CYP2A7: variants seen among roughly 807,000 people sequenced by gnomAD.
CYP2A7 encodes the protein cytochrome P450 family 2 subfamily A member 7.
CYP2A7 carries 36 observed loss-of-function variants against 42.0 expected under a neutral mutation model. The ratio of observed to expected loss-of-function variants is 0.86; its 90% CI spans 0.66 to 1.13. The LOEUF is 1.13. Among genes scored for constraint, CYP2A7 ranks in the 50% most tolerant of loss-of-function variants. The pLI is 0.00. For synonymous variants in CYP2A7, 260 were observed against 249.5 expected, an observed-to-expected ratio of 1.04 and a Z score of -0.40; for missense variants, 661 against 634.1, an observed-to-expected ratio of 1.04 and a Z score of -0.46.
At chr19:40,878,566 C>T (rs952756705) in intron 5 of CYP2A7, among the ~76,000 whole-genome samples, 194 bp downstream of exon 5, 6 of 151,808 alleles carry the variant, frequency 4.0e-5, no homozygotes, top group Non-Finnish European at 7.4e-5. Context: ...AACTCCTGAC[C>T]TCAGGTGATC....
At position 40,881,684 on chromosome 19, in the gene CYP2A7, C is replaced by T. The variant is rs1967694213; in HGVS notation, c.248G>A (p.Gly83Glu). The T allele has an allele frequency of 6.2e-7, 1 of 1,613,252 alleles. No individual in the cohort carries two copies. Among genetic ancestry groups the T allele is most frequent in the Non-Finnish European group, 8.5e-7 (1 of 1,179,602 alleles). The change falls in exon 2 of 9, where the codon GGA becomes GAA. Residue 83 changes from glycine (G) to glutamate (E), a missense_variant. Around this residue, in one of 3 missense-constraint regions of CYP2A7, gnomAD observed 614 missense variants for 552.4 expected, o/e 1.11. Transcript: ENST00000301146. The part of the protein sequence containing the change: ...LGPRRVVVLC[G>E]HDAVREALVD... ...CAGAGCCTCCCTGACGGCATCATGTCCACACAGCACCACGACCCGCCGGGG... is the reference window on the plus strand; with the variant it reads ...CAGAGCCTCCCTGACGGCATCATGTTCACACAGCACCACGACCCGCCGGGG...
In CYP2A7 at chr19:40,878,738, C is replaced by CG. The variant is rs977318443; in HGVS notation, c.831+21dup. ...CCCTCTGCCTGGCTTTGCACCTCCC[C>CG]GCACTGGCTGCTGGGGTGTACCTCC... On this transcript the variant is annotated intron_variant, in intron 5 of 8. Coordinates refer to ENST00000301146, the MANE Select transcript of CYP2A7 (RefSeq NM_000764.3). 4 of 1,609,980 alleles carry CG rather than the reference C, an allele frequency of 2.5e-6. No individual in the cohort carries two copies. The African/African-American group carries it at 5.3e-5, about 22-fold the overall frequency.
chr19:40,880,635 A>C lies in CYP2A7; in HGVS notation c.344-7T>G. ...CCGTTGCTGAACGCCACGCCTGGGG[A>C]GGTCAAGGCGGGGGTGGAGAGAGGT... is the stretch of plus-strand genomic sequence containing the variant. On this transcript the variant is annotated splice_region_variant and splice_polypyrimidine_tract_variant and intron_variant, in intron 2 of 8. Coordinates refer to ENST00000301146, the MANE Select transcript of CYP2A7 (RefSeq NM_000764.3). 6.3e-7 allele frequency: 1 copy of C among 1,586,570 alleles called. No homozygotes were observed. Among genetic ancestry groups the C allele is most frequent in the South Asian group, 1.1e-5 (1 of 88,716 alleles).
chr19:40,881,641 C>T lies in CYP2A7; in HGVS notation c.291G>A (p.Glu97=), dbSNP rs771938642. The T allele has an allele frequency of 1.2e-6, 2 of 1,613,082 alleles. No homozygotes were observed. Among genetic ancestry groups the T allele is most frequent in the African/African-American group, 1.3e-5 (1 of 74,970 alleles). ...TGGCTTGCTCGCCTCGCCCGCTGAA[C>T]TCCTCAGCCTGGTCCACCAGAGCCT... ...VREALVDQAE[E]FSGRGEQATF... The change falls in exon 2 of 9, where the codon GAG becomes GAA. Residue 97 remains glutamate (E), a synonymous_variant. Coordinates refer to ENST00000301146, the MANE Select transcript of CYP2A7 (RefSeq NM_000764.3).
Position 40,881,698 on chromosome 19 carries a change from G to A in CYP2A7, c.234C>T (p.Val78=), listed in dbSNP as rs746815604. The part of the protein sequence containing the change: ...VFTIHLGPRR[V]VVLCGHDAVR... ...CGGCATCATGTCCACACAGCACCAC[G>A]ACCCGCCGGGGCCCCAAGTGAATGG... Residue 78 remains valine (V), a synonymous_variant, in exon 2 of 9, where the codon GTC becomes GTT. Transcript: ENST00000301146. 12 of 1,612,540 alleles carry A rather than the reference G, an allele frequency of 7.4e-6. No homozygotes were observed. The highest frequency in any genetic ancestry group is 2.7e-5 in the African/African-American group (2 of 74,808).
chr19:40,876,681 A>C lies in CYP2A7; in HGVS notation c.1162-13T>G. ...ACACTTCGGTGCCCTGGTAGGGAGG[A>C]GGAAGTTGTGTGTGATGAGGAGGGT... On this transcript the variant is annotated splice_polypyrimidine_tract_variant and intron_variant, in intron 7 of 8. Coordinates refer to ENST00000301146, the MANE Select transcript of CYP2A7 (RefSeq NM_000764.3). 6.2e-7 allele frequency: 1 copy of C among 1,608,260 alleles called. No homozygotes were observed. Among genetic ancestry groups the C allele is most frequent in the Non-Finnish European group, 8.5e-7 (1 of 1,176,414 alleles).
chr19:40,880,377 G>C (rs3815705), intron 3 of CYP2A7, 102 bp downstream of exon 3: 605,579 of 1,541,656 alleles, frequency 0.39, 126,919 homozygotes, highest in Admixed American at 0.48. Context: ...AAGTGCGGGC[G>C]CCTTTCCCCA....
chr19:40,882,045 C>T lies in CYP2A7; in HGVS notation c.166G>A (p.Asp56Asn). The T allele has an allele frequency of 3.1e-6, 5 of 1,613,534 alleles. No individual in the cohort carries two copies. Among genetic ancestry groups the T allele is most frequent in the Admixed American group, 1.7e-5 (1 of 59,992 alleles). Residue 56 changes from aspartate to asparagine, a missense_variant, in exon 1 of 9, where the codon GAC becomes AAC. Asp to Asn is a conservative substitution (Grantham distance 23). Transcript: ENST00000301146. ...CCTTGGGACACCTTCATGATGGAGT[C>T]ACATATGTGCTCTGTGTTCAGCTGG... ...YLQLNTEHIC[D>N]SIMKFSECYG...
At chr19:40,881,235 T>G (rs1325432312) in intron 2 of CYP2A7, among the ~76,000 whole-genome samples, 2 of 150,202 alleles carry the variant, frequency 1.3e-5, no homozygotes, top group Admixed American at 1.3e-4. Context: ...AGGAGAAACA[T>G]GGAGAAGCAC....
rs1313216613 is a variant in CYP2A7, at chr19:40,876,126, T to C, written c.1304-252A>G. Among the ~76,000 whole-genome samples, 2 of 151,884 alleles carry C rather than the reference T, an allele frequency of 1.3e-5. 1 individual carries two copies. Among genetic ancestry groups the C allele is most frequent in the Non-Finnish European group, 2.9e-5 (2 of 67,906 alleles). On this transcript the variant is annotated intron_variant, in intron 8 of 8. Transcript: ENST00000301146. ...TTACACTAGGGTTTACTCTGTGTTA[T>C]ACAGTTCTATGGGTTTTGAAAAAGG...
chr19:40,879,559 G>C (rs759201025), intron 4 of CYP2A7, among the ~76,000 whole-genome samples: 1 of 151,674 alleles, frequency 6.6e-6, no homozygotes, highest in South Asian at 2.1e-4. Flanking sequence ...CTAGATATTT[G>C]TGTGTTTAAG....
chr19:40,876,058 G>A (rs1240405404), intron 8 of CYP2A7, among the ~76,000 whole-genome samples, 184 bp from the exon 9 acceptor site: 1 of 151,718 alleles, frequency 6.6e-6, no homozygotes, highest in Non-Finnish European at 1.5e-5. Context: ...ATGTAACAAT[G>A]GTGAACCAAT....
At position 40,877,266 on chromosome 19, in the gene CYP2A7, A is replaced by C. The variant is rs150178247; in HGVS notation, c.1085T>G (p.Phe362Cys). The C allele has an allele frequency of 1.9e-4, 314 of 1,612,548 alleles. 8 individuals are homozygous for C. Among genetic ancestry groups the C allele is most frequent in the Non-Finnish European group, 2.2e-4 (264 of 1,179,142 alleles). The stretch of plus-strand genomic sequence containing the variant: ...CAAACTCATGGGGATCACGTCTCCA[A>C]ATCTTTGGATCTCGTGGATCACTGC... ...MEAVIHEIQR[F>C]GDVIPMSLAR... is the part of the protein sequence containing the mutation. The change falls in exon 7 of 9, where the codon TTT becomes TGT. Residue 362 changes from phenylalanine to cysteine, a missense_variant. Physicochemically the swap from Phe to Cys is radical, Grantham distance 205. Around this residue, in one of 3 missense-constraint regions of CYP2A7, gnomAD observed 614 missense variants for 552.4 expected, o/e 1.11. Transcript: ENST00000301146.
At chr19:40,878,674 G>A (rs1323961870) in intron 5 of CYP2A7, 86 bp downstream of exon 5, 2 of 1,554,972 alleles carry the variant, frequency 1.3e-6, no homozygotes, top group Non-Finnish European at 8.8e-7. Context: ...AATTTGAACG[G>A]GTCTGTGTCG....
Position 40,878,826 on chromosome 19 carries a change from GTTGTGCTCCACCTTCTTGGCT to G in CYP2A7, c.744_764del (p.Ala249_Asn255del). The G allele has an allele frequency of 6.2e-7, 1 of 1,612,384 alleles. No homozygotes were observed. Among genetic ancestry groups the G allele is most frequent in the Non-Finnish European group, 8.5e-7 (1 of 1,178,806 alleles). On this transcript the variant is annotated inframe_deletion, in exon 5 of 9. Transcript: ENST00000301146. ...GGGAATTGGGATCCAGCGTGCGCTG[GTTGTGCTCCACCTTCTTGGCT>G]ATGAAGTCCTCCAGCCCTTGCAGCA...
At chr19:40,876,726 C>T (rs1967541487) in intron 7 of CYP2A7, 58 bp from the exon 8 acceptor site, 1 of 1,569,210 alleles carries the variant, frequency 6.4e-7, no homozygotes, top group Non-Finnish European at 8.7e-7. Flanking sequence ...GGTGAAAGTA[C>T]ACAGGGGCTG....
rs777198383 is a variant in CYP2A7 at position 40,878,706 on chromosome 19, C to A, written c.831+54G>T. 1.0e-4 allele frequency: 165 copies of A among 1,597,840 alleles called. 4 individuals carry two copies. Among genetic ancestry groups the A allele is most frequent in the Non-Finnish European group, 1.4e-4 (159 of 1,169,718 alleles). On this transcript the variant is annotated intron_variant, in intron 5 of 8. Transcript: ENST00000301146. ...GTCGTCTGCCCGCCCCACTCCCAGT[C>A]TGATTTCCCTCTGCCTGGCTTTGCA...
rs865882851 is a variant in CYP2A7 at position 40,880,320 on chromosome 19, G to A, written c.494-76C>T. 7.0e-6 allele frequency: 11 copies of A among 1,562,256 alleles called. No homozygotes were observed. The African/African-American group carries it at 9.5e-5, about 13-fold the overall frequency. On this transcript the variant is annotated intron_variant, in intron 3 of 8. Coordinates refer to ENST00000301146, the MANE Select transcript of CYP2A7 (RefSeq NM_000764.3). The stretch of plus-strand genomic sequence containing the variant: ...CTGAGGAGAATCAGAATTCCAGGAG[G>A]CAGGGCCTTGTTGAGCCAAATTCCC...
intron 2 of CYP2A7, 149 bp downstream of exon 2, chr19:40,881,440 G>T (rs1287615259): frequency 7.4e-7 from 1 of 1,343,728 alleles, no homozygotes; most frequent in Non-Finnish European, 1.0e-6. Context: ...TACACATGGA[G>T]AGGCCACAGT....
Sources: gnomAD v4.1 joint callset for allele counts (sites outside exome capture counted in the v4.1 genomes callset) on GRCh38, gnomAD v4.1.1 for gene constraint, gnomAD v4.1.1 regional missense constraint, MANE v1.5 for transcripts, NCBI Gene and HGNC (gene_info 2026-07-23, HGNC 2026-07-21) for gene names.